SMC3: variants seen among roughly 807,000 people sequenced by gnomAD.
SMC3 encodes the protein structural maintenance of chromosomes protein 3.
SMC3 carries 20 observed loss-of-function variants against 171.8 expected under a neutral mutation model. The ratio of observed to expected loss-of-function variants is 0.12; its 90% CI spans 0.08 to 0.17. The LOEUF (loss-of-function observed/expected upper bound fraction) is 0.17. Ranked by LOEUF, SMC3 falls within the 10% of genes least tolerant of loss-of-function variation. The pLI, the probability that SMC3 is intolerant of heterozygous loss-of-function variation, is 1.00. For synonymous variants in SMC3, 464 were observed against 451.1 expected (o/e 1.03, Z -0.36); for missense variants, 543 against 1,420.4 (o/e 0.38, Z 9.93).
rs1231859536 is a variant in SMC3, at chr10:110,578,031, C to T, written c.350+117C>T. On this transcript the variant is annotated intron_variant, in intron 6 of 28. Transcript: ENST00000361804. ...GGCCTCAAATGATCCACCTCGGCTT[C>T]CTAAAGTGCTAGGATTACAGACATG... is the stretch of plus-strand genomic sequence containing the variant. The T allele has an allele frequency of 5.6e-6, 4 of 719,446 alleles. No homozygotes were observed. The East Asian group carries it at 1.1e-4, about 19-fold the overall frequency. The allele number at this position is 719,446 out of a possible 1,614,324, so 44.6% of individuals were successfully genotyped here. A position where few individuals can be genotyped will look rare whatever the true frequency, so the allele number is the denominator to read the frequency against.
At chr10:110,568,489 T>C (rs1262733917) in intron 1 of SMC3, 1 of 187,688 alleles carries the variant, frequency 5.3e-6, no homozygotes, top group African/African-American at 2.4e-5. Context: ...TTCTGTTGGG[T>C]CTGTCGGGCT....
chr10:110,592,856 T>C (rs1861230075), intron 17 of SMC3, among the ~76,000 whole-genome samples: 1 of 152,240 alleles, frequency 6.6e-6, no homozygotes, highest in African/African-American at 2.4e-5. Flanking sequence ...TCTTTAGCAC[T>C]ATTAGGCTCT....
chr10:110,581,707 T>A (rs919985975), intron 8 of SMC3, among the ~76,000 whole-genome samples: 3 of 152,212 alleles, frequency 2.0e-5, no homozygotes, highest in Non-Finnish European at 2.9e-5. Flanking sequence ...CTGCTCAAGG[T>A]CATTGCCAAG....
At chr10:110,581,804 C>G in intron 8 of SMC3, 119 bp from the exon 9 acceptor site, 1 of 989,662 alleles carries the variant, frequency 1.0e-6, no homozygotes, top group Non-Finnish European at 1.5e-6. Context: ...GTTACCACAT[C>G]ACATCAAAGA....
chr10:110,580,723 A>G lies in SMC3; in HGVS notation c.430-181A>G, dbSNP rs74841345. ...TTTGGATTTGGGTTGCTCATCTGGTAAGTATAAATGCAAATATTCCAAAAC... is the reference window on the plus strand; with the variant it reads ...TTTGGATTTGGGTTGCTCATCTGGTGAGTATAAATGCAAATATTCCAAAAC... On this transcript the variant is annotated intron_variant, in intron 7 of 28. Coordinates refer to ENST00000361804, the MANE Select transcript of SMC3 (RefSeq NM_005445.4). 4.1e-3 allele frequency among the ~76,000 whole-genome samples: 627 copies of G among 152,330 alleles called. 3 individuals are homozygous for G. Among genetic ancestry groups the G allele is most frequent in the African/African-American group, 0.014 (589 of 41,578 alleles).
In SMC3 at chr10:110,589,554, T is replaced by A. The variant is rs547581729; in HGVS notation, c.1306-51T>A. The A allele has an allele frequency of 6.8e-6, 8 of 1,174,082 alleles. No homozygotes were observed. In the South Asian group the frequency reaches 7.8e-5, roughly 12 times the overall value. The allele number at this position is 1,174,082 out of a possible 1,614,324, so 72.7% of individuals were successfully genotyped here. The stretch of plus-strand genomic sequence containing the variant: ...CAACCACTGATCTGCTTTCTATCAG[T>A]GTAGATTAGTTTCATGAAATTGAAT... On this transcript the variant is annotated intron_variant, in intron 13 of 28. Transcript: ENST00000361804.
intron 13 of SMC3, 116 bp downstream of exon 13, chr10:110,584,512 GAC>G: frequency 1.4e-6 from 1 of 708,796 alleles, no homozygotes; most frequent in Middle Eastern, 3.9e-4. Flanking sequence ...TAAAATATAT[GAC>G]AGATACTTAT....
chr10:110,597,566 C>T lies in SMC3; in HGVS notation c.2117-573C>T, dbSNP rs1259307455. On this transcript the variant is annotated intron_variant, in intron 19 of 28. Coordinates refer to ENST00000361804, the MANE Select transcript of SMC3 (RefSeq NM_005445.4). ...AAGCACAGAAAAAGAAAAATAAGCA[C>T]CTGAGCTTTGACCTTGCAGGGGTCT... 2.0e-5 allele frequency among the ~76,000 whole-genome samples: 3 copies of T among 152,196 alleles called. No individual in the cohort carries two copies. The East Asian group carries it at 5.8e-4, about 29-fold the overall frequency.
chr10:110,584,409 A>T lies in SMC3; in HGVS notation c.1305+13A>T. ...GGAGCAGTATAATGTAAGAACTTCT[A>T]TAGCTGCTTTGTAAAAATCTTTCAG... On this transcript the variant is annotated intron_variant, in intron 13 of 28. Transcript: ENST00000361804. 1 of 1,568,176 alleles carries T rather than the reference A, an allele frequency of 6.4e-7. No individual in the cohort carries two copies. The highest frequency in any genetic ancestry group is 8.8e-7 in the Non-Finnish European group (1 of 1,140,652).
chr10:110,570,037 G>T (rs1373259738), intron 2 of SMC3, among the ~76,000 whole-genome samples: 1 of 152,164 alleles, frequency 6.6e-6, no homozygotes, highest in African/African-American at 2.4e-5. Flanking sequence ...GCTTAAACAA[G>T]ATATTTTTTT....
rs1355406544 is a variant in SMC3 at position 110,581,008 on chromosome 10, A to G, written c.534A>G (p.Leu178=). 1.3e-6 allele frequency: 2 copies of G among 1,558,412 alleles called. No individual in the cohort carries two copies. Among genetic ancestry groups the G allele is most frequent in the Non-Finnish European group, 8.9e-7 (1 of 1,129,314 alleles). ...AACGAAAGGAAGAAAGCATCTCCTTAATGAAAGAAACAGGTAAAATAAATG... is the reference window on the plus strand; with the variant it reads ...AACGAAAGGAAGAAAGCATCTCCTTGATGAAAGAAACAGGTAAAATAAATG... ...YDERKEESIS[L]MKETEGKREK... is the part of the protein sequence containing the mutation. The change falls in exon 8 of 29, where the codon TTA becomes TTG. Residue 178 remains leucine (L), a synonymous_variant. Coordinates refer to ENST00000361804, the MANE Select transcript of SMC3 (RefSeq NM_005445.4).
At chr10:110,603,400 A>C (rs1319636506) in intron 28 of SMC3, 110 bp downstream of exon 28, 1 of 725,628 alleles carries the variant, frequency 1.4e-6, no homozygotes, top group African/African-American at 1.8e-5. Flanking sequence ...GTCTTTGCTT[A>C]TCTGATGTCT....
At chr10:110,587,303 G>A (rs1457404565) in intron 13 of SMC3, among the ~76,000 whole-genome samples, 2 of 152,088 alleles carry the variant, frequency 1.3e-5, no homozygotes, top group African/African-American at 4.8e-5. Context: ...TTTATTACTG[G>A]TTCTGAGTAG....
chr10:110,601,657 A>G lies in SMC3; in HGVS notation c.2665A>G (p.Lys889Glu), dbSNP rs763199067. ...CTTAGATTTGGACAATTCCATTGAT[A>G]AAACAGAAGCTGGAATTAAGGAGCT... Reference protein sequence around the residue: ...RSEDLDNSIDKTEAGIKELQK... With the variant: ...RSEDLDNSIDETEAGIKELQK... The change falls in exon 24 of 29, where the codon AAA (lysine) becomes GAA (glutamate). Residue 889 changes from lysine to glutamate, a missense_variant. Lys to Glu is a moderately conservative substitution (Grantham distance 56). Coordinates refer to ENST00000361804, the MANE Select transcript of SMC3 (RefSeq NM_005445.4). 20 of 1,612,386 alleles carry G rather than the reference A, an allele frequency of 1.2e-5. No individual in the cohort carries two copies. The highest frequency in any genetic ancestry group is 1.2e-4 in the South Asian group (11 of 91,064).
intron 22 of SMC3, 91 bp downstream of exon 22, chr10:110,600,637 A>C (rs906689060): frequency 5.2e-6 from 4 of 764,826 alleles, no homozygotes; most frequent in African/African-American, 3.5e-5. Context: ...GATTGAAAGC[A>C]TGGGCTTTGG....
At chr10:110,592,887 C>T (rs936170929) in intron 17 of SMC3, among the ~76,000 whole-genome samples, 186 bp from the exon 18 acceptor site, 3 of 152,172 alleles carry the variant, frequency 2.0e-5, no homozygotes, top group South Asian at 2.1e-4. Context: ...ACCTTGATTA[C>T]AAGAGCAAAA....
intron 25 of SMC3, 93 bp from the exon 26 acceptor site, chr10:110,602,381 A>G: frequency 8.9e-7 from 1 of 1,128,710 alleles, no homozygotes; most frequent in Non-Finnish European, 1.3e-6. Flanking sequence ...TGTTCTTAAG[A>G]TTAAAAAATA....
rs563293860 is a variant in SMC3 at position 110,567,785 on chromosome 10, C to T, written c.-32C>T. The T allele has an allele frequency of 1.9e-5, 31 of 1,613,244 alleles. No homozygotes were observed. The East Asian group carries it at 2.2e-4, about 12-fold the overall frequency. On this transcript the variant is annotated 5_prime_UTR_variant, in exon 1 of 29. Transcript: ENST00000361804. Reference sequence around the variant, plus strand: ...CGGCCGTGCGGTTGCTGCTCCGGGGCAGGTCTCCTTCCAGGCCAGGGGCCC... The same window carrying T: ...CGGCCGTGCGGTTGCTGCTCCGGGGTAGGTCTCCTTCCAGGCCAGGGGCCC...
In SMC3 at chr10:110,604,801, G is replaced by C. The variant is rs1208195786; in HGVS notation, c.*499G>C. On this transcript the variant is annotated 3_prime_UTR_variant, in exon 29 of 29. Transcript: ENST00000361804. ...GGTTAGGACTTCAACATGTGAGTTT[G>C]GGAAGGGAAGCACAAAATCAGCCCC... Among the ~76,000 whole-genome samples the C allele has an allele frequency of 2.6e-5, 4 of 152,120 alleles. No individual in the cohort carries two copies. Among genetic ancestry groups the C allele is most frequent in the Non-Finnish European group, 5.9e-5 (4 of 67,998 alleles).
Sources: allele counts gnomAD v4.1 joint callset (sites outside exome capture counted in the v4.1 genomes callset), GRCh38; gene constraint gnomAD v4.1.1; transcripts MANE v1.5; gene names NCBI Gene and HGNC (gene_info 2026-07-23, HGNC 2026-07-21).